SMG7: variants seen among roughly 807,000 people sequenced by gnomAD.
The protein encoded by SMG7 is SMG7 nonsense mediated mRNA decay factor, also known as nonsense-mediated mRNA decay factor SMG7.
SMG7 carries 34 observed loss-of-function variants against 148.2 expected under a neutral mutation model. The ratio of observed to expected loss-of-function variants is 0.23; its 90% CI spans 0.17 to 0.31. SMG7 has a LOEUF of 0.31. Among genes scored for constraint, SMG7 ranks in the 10% least tolerant of loss-of-function variants. The pLI, the probability that SMG7 is intolerant of heterozygous loss-of-function variation, is 1.00. For missense variants in SMG7, 1,114 were observed against 1,408.4 expected, an observed-to-expected ratio of 0.79 and a Z score of 3.35; for synonymous variants, 492 against 515.1, an observed-to-expected ratio of 0.96 and a Z score of 0.61.
At chr1:183,531,929 A>G (rs537360608) in intron 8 of SMG7, among the ~76,000 whole-genome samples, 87 of 152,308 alleles carry the variant, frequency 5.7e-4, no homozygotes, top group Middle Eastern at 3.4e-3. Flanking sequence ...AAGAGACAGG[A>G]TTTCAGGAAA....
chr1:183,530,445 G>A (rs1047746899), intron 8 of SMG7, among the ~76,000 whole-genome samples: 4 of 152,052 alleles, frequency 2.6e-5, no homozygotes, highest in Non-Finnish European at 4.4e-5. Context: ...ATTATAAATA[G>A]CAATAGTTTG....
chr1:183,483,806 C>G (rs889546416), intron 1 of SMG7, among the ~76,000 whole-genome samples: 10 of 152,134 alleles, frequency 6.6e-5, no homozygotes, highest in African/African-American at 1.7e-4. Context: ...ATAAGGCATA[C>G]TGGCCATAAA....
intron 11 of SMG7, 74 bp from the exon 12 acceptor site, chr1:183,538,306 A>C (rs1668162433): frequency 1.0e-6 from 1 of 967,766 alleles, no homozygotes; most frequent in Non-Finnish European, 1.7e-6. Context: ...ATTTTTAAAA[A>C]AATTTAGTGA....
chr1:183,502,234 C>T, intron 1 of SMG7: 1 of 1,423,042 alleles, frequency 7.0e-7, no homozygotes, highest in East Asian at 2.5e-5. Context: ...CTCATATTTT[C>T]CTCCTCTCCT....
In SMG7 at chr1:183,517,784, T is replaced by G; in HGVS notation, c.276T>G (p.Ser92=). The G allele has an allele frequency of 6.2e-7, 1 of 1,614,146 alleles. No individual in the cohort carries two copies. Among genetic ancestry groups the G allele is most frequent in the Non-Finnish European group, 8.5e-7 (1 of 1,179,990 alleles). Reference sequence around the variant, plus strand: ...GGAGTGAAGTTCAGGCAAACCTTTCTCTGTTCCTAGAGGCAGCTAGTGGCT... The same window carrying G: ...GGAGTGAAGTTCAGGCAAACCTTTCGCTGTTCCTAGAGGCAGCTAGTGGCT... The part of the protein sequence containing the change: ...PNRSEVQANL[S]LFLEAASGFY... Residue 92 remains serine (S), a synonymous_variant, in exon 4 of 23, where the codon TCT becomes TCG. Coordinates refer to ENST00000688051, the MANE Select transcript of SMG7 (RefSeq NM_001375584.1).
chr1:183,476,247 T>TG (rs1273217115), intron 1 of SMG7, among the ~76,000 whole-genome samples: 5 of 152,120 alleles, frequency 3.3e-5, no homozygotes, highest in African/African-American at 7.2e-5. Flanking sequence ...TGGATGTGGT[T>TG]GGGGGGTGTA....
intron 6 of SMG7, among the ~76,000 whole-genome samples, chr1:183,528,588 A>G (rs557759136): frequency 1.3e-5 from 2 of 152,296 alleles, no homozygotes; most frequent in East Asian, 1.9e-4. Context: ...CTTTCACACT[A>G]CAGTGGCAGA....
Position 183,545,319 on chromosome 1 carries a change from T to A in SMG7, c.2370+7T>A. ...CCACTCTGGATTCCAGCAGGTAAGTTACAGTTGTGTGTACTATCCAGCTGA... is the reference window on the plus strand; with the variant it reads ...CCACTCTGGATTCCAGCAGGTAAGTAACAGTTGTGTGTACTATCCAGCTGA... On this transcript the variant is annotated splice_region_variant and intron_variant, in intron 16 of 22. Coordinates refer to ENST00000688051, the MANE Select transcript of SMG7 (RefSeq NM_001375584.1). The A allele has an allele frequency of 6.2e-7, 1 of 1,605,668 alleles. No homozygotes were observed. The highest frequency in any genetic ancestry group is 8.5e-7 in the Non-Finnish European group (1 of 1,179,570).
intron 1 of SMG7, among the ~76,000 whole-genome samples, chr1:183,493,212 C>G (rs939870869): frequency 6.6e-6 from 1 of 152,056 alleles, no homozygotes; most frequent in African/African-American, 2.4e-5. Flanking sequence ...TGGCCTCAAG[C>G]GATCCCCTGG....
At chr1:183,476,775 A>T (rs1224248229) in intron 1 of SMG7, among the ~76,000 whole-genome samples, 1 of 152,198 alleles carries the variant, frequency 6.6e-6, no homozygotes, top group Admixed American at 6.5e-5. Context: ...TAAAAATATG[A>T]TCTTAAATAT....
intron 1 of SMG7, among the ~76,000 whole-genome samples, chr1:183,489,058 G>A (rs1437611541): frequency 6.6e-6 from 1 of 151,546 alleles, no homozygotes; most frequent in Non-Finnish European, 1.5e-5. Flanking sequence ...TATCTTTCAC[G>A]TGTGTTAGAT....
At chr1:183,495,255 T>G (rs1290755265) in intron 1 of SMG7, among the ~76,000 whole-genome samples, 2 of 152,192 alleles carry the variant, frequency 1.3e-5, no homozygotes, top group African/African-American at 2.4e-5. Flanking sequence ...TAGTTGAGCT[T>G]CTTAGATTTA....
At chr1:183,516,716 A>G (rs1481384793) in intron 3 of SMG7, among the ~76,000 whole-genome samples, 1 of 152,206 alleles carries the variant, frequency 6.6e-6, no homozygotes, top group Non-Finnish European at 1.5e-5. Flanking sequence ...TCTGCCTTAG[A>G]TACTTTATAT....
intron 1 of SMG7, among the ~76,000 whole-genome samples, chr1:183,498,223 C>A (rs991781912): frequency 2.1e-4 from 32 of 152,198 alleles, no homozygotes; most frequent in Non-Finnish European, 4.4e-4. Context: ...TTATATGGAG[C>A]TTTGCATTTT....
chr1:183,550,688 G>T, intron 20 of SMG7, 63 bp from the exon 21 acceptor site: 1 of 1,509,566 alleles, frequency 6.6e-7, no homozygotes, highest in South Asian at 1.1e-5. Context: ...ACAGGAACCT[G>T]TAGTTCTTTG....
intron 1 of SMG7, among the ~76,000 whole-genome samples, chr1:183,477,142 T>C (rs1251570846): frequency 6.6e-6 from 1 of 152,148 alleles, no homozygotes; most frequent in African/African-American, 2.4e-5. Flanking sequence ...ATCATAGCTA[T>C]AGGGAATACC....
Position 183,553,608 on chromosome 1 carries a change from G to GAC in SMG7, c.*1677_*1678insAC, listed in dbSNP as rs757787584. ...TTGCTCTTCAGAGAGAGTGGTTGGA[G>GAC]CCCCCCCCGCCCCGTATGCTTACAT... On this transcript the variant is annotated 3_prime_UTR_variant, in exon 23 of 23. Coordinates refer to ENST00000688051, the MANE Select transcript of SMG7 (RefSeq NM_001375584.1). 7.8e-6 allele frequency: 1 copy of GAC among 128,296 alleles called. No homozygotes were observed. 7.9% of individuals were successfully genotyped at this position (128,296 alleles called of 1,614,324 possible).
intron 8 of SMG7, among the ~76,000 whole-genome samples, chr1:183,531,439 G>A (rs1410147600): frequency 1.3e-5 from 2 of 152,108 alleles, no homozygotes; most frequent in Non-Finnish European, 2.9e-5. Flanking sequence ...TTCCTTGGAA[G>A]ACTCTCTACA....
At chr1:183,486,603 G>A (rs938055825) in intron 1 of SMG7, among the ~76,000 whole-genome samples, 1 of 151,720 alleles carries the variant, frequency 6.6e-6, no homozygotes, top group South Asian at 2.1e-4. Flanking sequence ...TAGAGATGGG[G>A]TGTCACCATG....
Sources: gnomAD v4.1 joint callset for allele counts (sites outside exome capture counted in the v4.1 genomes callset) on GRCh38, gnomAD v4.1.1 for gene constraint, MANE v1.5 for transcripts, NCBI Gene and HGNC (gene_info 2026-07-23, HGNC 2026-07-21) for gene names.